The following CCDC30 variants were observed in gnomAD, a reference collection of about 807,000 sequenced individuals.
The protein encoded by CCDC30 is coiled-coil domain containing 30.
In CCDC30, 70 loss-of-function variants were observed where a neutral mutation model predicts 100.2. The ratio of observed to expected loss-of-function variants is 0.70; its 90% confidence interval spans 0.58 to 0.85. The LOEUF is 0.85. CCDC30 is among the 40% of genes least tolerant of loss of function. CCDC30 has a pLI of 0.00. For synonymous variants in CCDC30, 233 were observed against 269.5 expected (o/e 0.86, Z 1.33); for missense variants, 652 against 771.2 (o/e 0.85, Z 1.83).
intron 10 of CCDC30, among the ~76,000 whole-genome samples, chr1:42,608,553 A>T (rs1646551617): frequency 6.6e-6 from 1 of 151,904 alleles, no homozygotes; most frequent in African/African-American, 2.4e-5. Context: ...ACAAAAAAAA[A>T]TTAGCCGGAC....
At chr1:42,653,592 A>G (rs573201641) in intron 16 of CCDC30, 149 bp downstream of exon 20, 3 of 647,748 alleles carry the variant, frequency 4.6e-6, no homozygotes, top group South Asian at 4.0e-5. Context: ...AATTATTTGA[A>G]TCTTCTTCCA....
chr1:42,515,742 A>G (rs112487407), intron 6 of CCDC30, among the ~76,000 whole-genome samples: 1 of 152,272 alleles, frequency 6.6e-6, no homozygotes, highest in African/African-American at 2.4e-5. Context: ...GGAAACCACC[A>G]TTTTACTATC....
At chr1:42,651,080 T>C (rs1198939122) in intron 15 of CCDC30, among the ~76,000 whole-genome samples, 1 of 152,108 alleles carries the variant, frequency 6.6e-6, no homozygotes, top group African/African-American at 2.4e-5. Context: ...CAACTCCAAA[T>C]GGATTAAAGA....
chr1:42,481,661 G>A (rs181671813), intron 2 of CCDC30, among the ~76,000 whole-genome samples: 1 of 150,882 alleles, frequency 6.6e-6, no homozygotes, highest in Non-Finnish European at 1.5e-5. Flanking sequence ...CTTTTAAGGA[G>A]TTCTTTAGAA....
intron 15 of CCDC30, among the ~76,000 whole-genome samples, chr1:42,648,834 C>A: frequency 6.6e-6 from 1 of 150,662 alleles, no homozygotes. Flanking sequence ...AGAGAAGACC[C>A]AAATAAATAA....
intron 6 of CCDC30, among the ~76,000 whole-genome samples, chr1:42,565,398 A>G (rs528322336): frequency 6.6e-6 from 1 of 152,348 alleles, no homozygotes; most frequent in East Asian, 1.9e-4. Context: ...GACATTCTCA[A>G]AAGAAGATGT....
At chr1:42,539,236 G>T in intron 6 of CCDC30, 1 of 1,610,038 alleles carries the variant, frequency 6.2e-7, no homozygotes, top group Non-Finnish European at 8.5e-7. Flanking sequence ...TCTTCCAGGG[G>T]AATCAGAAAG....
intron 6 of CCDC30, among the ~76,000 whole-genome samples, chr1:42,519,578 T>C (rs899423508): frequency 1.3e-5 from 2 of 151,874 alleles, no homozygotes; most frequent in Non-Finnish European, 2.9e-5. Context: ...TGAGATGGAG[T>C]TTCTCTCTTG....
chr1:42,537,498 G>C (rs1348599013), intron 6 of CCDC30: 8 of 342,938 alleles, frequency 2.3e-5, no homozygotes. Context: ...TTTCTAATCA[G>C]CATTTACCTC....
At chr1:42,600,883 C>T (rs1570205819) in intron 10 of CCDC30, among the ~76,000 whole-genome samples, 2 of 151,948 alleles carry the variant, frequency 1.3e-5, no homozygotes, top group African/African-American at 4.8e-5. Flanking sequence ...CCCCCACTCA[C>T]TGTGGTAAGA....
At chr1:42,476,899 T>G (rs1422790126) in intron 1 of CCDC30, among the ~76,000 whole-genome samples, 1 of 150,554 alleles carries the variant, frequency 6.6e-6, no homozygotes, top group Non-Finnish European at 1.5e-5. Context: ...TTTTTTGTTT[T>G]TTTTTTTTGC....
intron 6 of CCDC30, among the ~76,000 whole-genome samples, chr1:42,525,331 TTC>T (rs1260505507): frequency 6.6e-6 from 1 of 152,202 alleles, no homozygotes; most frequent in African/African-American, 2.4e-5. Flanking sequence ...TCCCCAGTTT[TTC>T]TCTCTTTGTT....
intron 6 of CCDC30, chr1:42,556,321 G>A: frequency 6.2e-7 from 1 of 1,614,034 alleles, no homozygotes; most frequent in South Asian, 1.1e-5. Context: ...AAATTGTGAG[G>A]CTTAGAGAAG....
At chr1:42,642,163 T>C (rs1647494579) in intron 12 of CCDC30, among the ~76,000 whole-genome samples, 1 of 151,770 alleles carries the variant, frequency 6.6e-6, no homozygotes, top group Non-Finnish European at 1.5e-5. Context: ...GAGGTGGAGC[T>C]TGCAGTGAGC....
intron 13 of CCDC30, among the ~76,000 whole-genome samples, chr1:42,644,055 T>A (rs1647667490): frequency 6.6e-6 from 1 of 152,202 alleles, no homozygotes. Context: ...CAGAAGTTTA[T>A]TAACTTTTAC....
Position 42,596,698 on chromosome 1 carries a change from C to T in CCDC30, c.1164+7215C>T, listed in dbSNP as rs948724977. On this transcript the variant is annotated intron_variant, in intron 10 of 16. Coordinates refer to ENST00000668663, the Ensembl canonical transcript of CCDC30. The surrounding 1 kb of genome is among the most constrained non-coding windows in gnomAD (Gnocchi z 4.3). ...TTCCTCTACTCACTGCATCATGTTT[C>T]GCTATCAAGAAAAAATTACAAGACA... Among the ~76,000 whole-genome samples, 9 of 151,844 alleles carry T rather than the reference C, an allele frequency of 5.9e-5. No individual in the cohort carries two copies. The highest frequency in any genetic ancestry group is 8.8e-5 in the Non-Finnish European group (6 of 67,974).
At chr1:42,458,597 G>A (rs959556357), upstream of CCDC30, among the ~76,000 whole-genome samples, 4 of 152,174 alleles carry the variant, frequency 2.6e-5, no homozygotes, top group Non-Finnish European at 5.9e-5. Context: ...TAAATGCTAA[G>A]GAGAAAAATA....
chr1:42,517,970 T>C (rs1347560894), intron 6 of CCDC30, among the ~76,000 whole-genome samples: 1 of 152,224 alleles, frequency 6.6e-6, no homozygotes, highest in Non-Finnish European at 1.5e-5. Flanking sequence ...CTTTAGGCTC[T>C]GTACAAATTT....
intron 9 of CCDC30, among the ~76,000 whole-genome samples, chr1:42,588,138 A>G (rs918575301): frequency 1.3e-5 from 2 of 152,192 alleles, no homozygotes; most frequent in African/African-American, 4.8e-5. Flanking sequence ...TTCTTGCCTG[A>G]GGGTCAGTCT....
Sources: allele counts gnomAD v4.1 joint callset (sites outside exome capture counted in the v4.1 genomes callset), GRCh38; gene constraint gnomAD v4.1.1; non-coding constraint Gnocchi (gnomAD v3.1); transcripts MANE v1.5; gene names NCBI Gene and HGNC (gene_info 2026-07-23, HGNC 2026-07-21).